Variants in CDKL5 observed in about 807,000 individuals in gnomAD.
CDKL5 encodes the protein cyclin-dependent kinase-like 5.
CDKL5 carries 8 observed loss-of-function variants against 61.7 expected under a neutral mutation model. The observed-to-expected ratio is 0.13, with a 90% CI of 0.08 to 0.23. The LOEUF (loss-of-function observed/expected upper bound fraction) is 0.23, where lower values mean the gene tolerates loss of function less well. Ranked by LOEUF, CDKL5 falls within the 10% of genes least tolerant of loss-of-function variation. The pLI is 1.00. For synonymous variants in CDKL5, 275 were observed against 272.3 expected (o/e 1.01, Z -0.10); for missense variants, 440 against 734.5 (o/e 0.60, Z 4.63).
intron 1 of CDKL5, among the ~76,000 whole-genome samples, chrX:18,460,452 G>A (rs1356139740): frequency 3.6e-5 from 4 of 111,589 alleles, no homozygotes; most frequent in Non-Finnish European, 7.5e-5. Context: ...ATTTGGGTGA[G>A]GACACAGATC....
At chrX:18,575,699 CG>C (rs2059636925) in intron 5 of CDKL5, among the ~76,000 whole-genome samples, 1 of 111,983 alleles carries the variant, frequency 8.9e-6, no homozygotes, top group Non-Finnish European at 1.9e-5. Context: ...TAGAGATAAT[CG>C]TAAGTTTAAA....
At chrX:18,574,918 G>A (rs1010186368) in intron 4 of CDKL5, among the ~76,000 whole-genome samples, 1 of 111,876 alleles carries the variant, frequency 8.9e-6, no homozygotes, top group Non-Finnish European at 1.9e-5. Context: ...TACAGATGCC[G>A]GCTGCATAGA....
intron 1 of CDKL5, chrX:18,497,347 C>T (rs201266841): frequency 9.0e-6 from 1 of 111,380 alleles, no homozygotes; most frequent in East Asian, 2.8e-4. Flanking sequence ...CACCTGGTTT[C>T]CTTACCAGTT....
chrX:18,587,378 C>T (rs932375849), intron 8 of CDKL5, among the ~76,000 whole-genome samples: 3 of 111,544 alleles, frequency 2.7e-5, no homozygotes, highest in Non-Finnish European at 3.8e-5. Flanking sequence ...GCTCTATATA[C>T]ATAGGTTACA....
At chrX:18,554,494 C>A (rs1442976688) in intron 3 of CDKL5, among the ~76,000 whole-genome samples, 1 of 102,930 alleles carries the variant, frequency 9.7e-6, no homozygotes, top group Non-Finnish European at 2.0e-5. Context: ...CAGCTCAGTG[C>A]AACCTCCACC....
chrX:18,653,043 T>C (rs1440612280), intron 21 of CDKL5, among the ~76,000 whole-genome samples: 1 of 112,406 alleles, frequency 8.9e-6, no homozygotes, highest in Non-Finnish European at 1.9e-5. Flanking sequence ...GTGTTATGCA[T>C]AGATATTAGA....
At chrX:18,518,385 C>CTTCTTTTT (rs1195931109) in intron 3 of CDKL5, among the ~76,000 whole-genome samples, 1 of 22,794 alleles carries the variant, frequency 4.4e-5, no homozygotes, top group Non-Finnish European at 8.7e-5. Context: ...CTTTTCTTTT[C>CTTCTTTTT]TTATTTTTTT....
At chrX:18,490,252 TGAG>T (rs1257180980) in intron 1 of CDKL5, among the ~76,000 whole-genome samples, 1 of 111,036 alleles carries the variant, frequency 9.0e-6, no homozygotes, top group East Asian at 2.8e-4. Flanking sequence ...TTATCAAACT[TGAG>T]GAGAGTGAGT....
At chrX:18,464,208 AATTG>A (rs1265707602) in intron 1 of CDKL5, among the ~76,000 whole-genome samples, 1 of 108,951 alleles carries the variant, frequency 9.2e-6, no homozygotes, top group Non-Finnish European at 1.9e-5. Context: ...TTTTTAATTT[AATTG>A]ATTACTATTG....
chrX:18,451,960 G>A (rs1323016823), intron 1 of CDKL5, among the ~76,000 whole-genome samples: 1 of 112,280 alleles, frequency 8.9e-6, no homozygotes, highest in Non-Finnish European at 1.9e-5. Flanking sequence ...GGCATTAAGG[G>A]AAGGTATATG....
intron 1 of CDKL5, among the ~76,000 whole-genome samples, chrX:18,445,621 A>G: frequency 9.0e-6 from 1 of 111,127 alleles, no homozygotes; most frequent in Non-Finnish European, 1.9e-5. Context: ...TGACTGGATC[A>G]TGGGGGCGGT....
intron 3 of CDKL5, among the ~76,000 whole-genome samples, chrX:18,558,623 A>T (rs903216705): frequency 8.9e-6 from 1 of 111,914 alleles, no homozygotes; most frequent in South Asian, 3.7e-4. Flanking sequence ...AGTCTTGAAC[A>T]TCATGCTGTT....
chrX:18,598,652 G>T (rs1186699746), intron 11 of CDKL5, 39 bp downstream of exon 11: 13 of 1,152,189 alleles, frequency 1.1e-5, no homozygotes, highest in Admixed American at 2.2e-5. Context: ...ATGCAGTGTT[G>T]GTCTTACAAG....
chrX:18,514,369 T>C (rs1922933544), intron 3 of CDKL5, among the ~76,000 whole-genome samples: 1 of 111,397 alleles, frequency 9.0e-6, no homozygotes, highest in African/African-American at 3.3e-5. Flanking sequence ...CTCTTAGCAG[T>C]GACTAAGCTT....
At chrX:18,472,375 A>T (rs1921127459) in intron 1 of CDKL5, among the ~76,000 whole-genome samples, 1 of 111,909 alleles carries the variant, frequency 8.9e-6, no homozygotes, top group African/African-American at 3.2e-5. Context: ...AAGTTTTACA[A>T]TCCCAGTAAA....
intron 1 of CDKL5, among the ~76,000 whole-genome samples, chrX:18,441,025 C>T (rs1488343933): frequency 9.0e-6 from 1 of 111,206 alleles, no homozygotes; most frequent in Admixed American, 9.6e-5. Flanking sequence ...AGGTTGAGGT[C>T]AAGAGATGAC....
chrX:18,634,562 A>G lies in CDKL5; in HGVS notation c.*5805A>G, dbSNP rs776055836. ...TCCAGCACGGCTTAGGTTTTCCAAA[A>G]TGGAAAGCAAAGCTTGCAGACAACC... On this transcript the variant is annotated 3_prime_UTR_variant, in exon 18 of 18. Coordinates refer to ENST00000623535, the MANE Select transcript of CDKL5 (RefSeq NM_001323289.2). 2.2e-3 allele frequency: 1,622 copies of G among 752,697 alleles called. 3 individuals are homozygous for G. Among genetic ancestry groups the G allele is most frequent in the Non-Finnish European group, 2.4e-3 (1,510 of 639,116 alleles). 62.0% of individuals were successfully genotyped at this position (752,697 alleles called of 1,213,427 possible).
At chrX:18,609,707 C>T (rs1206911767) in intron 14 of CDKL5, 137 bp downstream of exon 14, 8 of 1,064,436 alleles carry the variant, frequency 7.5e-6, no homozygotes, top group Non-Finnish European at 9.9e-6. Context: ...TGCCTCTGCT[C>T]CTGCTAAGTC....
In CDKL5 at chrX:18,545,125, A is replaced by G. The variant is rs759316010; in HGVS notation, c.100-19352A>G. On this transcript the variant is annotated intron_variant, in intron 3 of 17. Coordinates refer to ENST00000623535, the MANE Select transcript of CDKL5 (RefSeq NM_001323289.2). ...CAGATAGTAGCCTGTAGTCCCAGCT[A>G]CTCAGAGGATAAGGTGGGAGGATCA... Among the ~76,000 whole-genome samples the G allele has an allele frequency of 4.0e-4, 44 of 110,073 alleles. 1 individual carries two copies. The highest frequency in any genetic ancestry group is 2.9e-4 in the Admixed American group (3 of 10,285).
Sources: gnomAD v4.1 joint callset for allele counts (sites outside exome capture counted in the v4.1 genomes callset) on GRCh38, gnomAD v4.1.1 for gene constraint, MANE v1.5 for transcripts, NCBI Gene and HGNC (gene_info 2026-07-23, HGNC 2026-07-21) for gene names.